The following SLC30A6 variants were observed in gnomAD, a reference collection of about 807,000 sequenced individuals.
SLC30A6 encodes zinc transporter 6.
A neutral mutation model predicts 63.0 loss-of-function variants in SLC30A6; 55 were observed. That is an observed-to-expected ratio of 0.87 (90% CI 0.70 to 1.09). SLC30A6 has a LOEUF of 1.09. Ranked by LOEUF, SLC30A6 falls within the 50% of genes least tolerant of loss-of-function variation. SLC30A6 has a pLI of 0.00. For missense variants in SLC30A6, 587 were observed against 549.2 expected, an observed-to-expected ratio of 1.07 and a Z score of -0.69; for synonymous variants, 224 against 186.1, an observed-to-expected ratio of 1.20 and a Z score of -1.66.
intron 12 of SLC30A6, among the ~76,000 whole-genome samples, 175 bp from the exon 13 acceptor site, chr2:32,209,318 A>T (rs984488193): frequency 1.3e-5 from 2 of 152,224 alleles, no homozygotes; most frequent in Middle Eastern, 3.2e-3. Flanking sequence ...TTGGGTCAGT[A>T]TGGAACAAAC....
At chr2:32,168,955 G>C (rs1680926408) in intron 1 of SLC30A6, among the ~76,000 whole-genome samples, 1 of 152,166 alleles carries the variant, frequency 6.6e-6, no homozygotes, top group African/African-American at 2.4e-5. Flanking sequence ...GATGGCATCA[G>C]AAGTGGCTTT....
chr2:32,216,281 A>G (rs950610491), intron 13 of SLC30A6, among the ~76,000 whole-genome samples: 1 of 152,152 alleles, frequency 6.6e-6, no homozygotes, highest in African/African-American at 2.4e-5. Flanking sequence ...CATGCCTGTA[A>G]TCCCAGCACT....
In SLC30A6 at chr2:32,222,669, GA is replaced by G. The variant is rs1686204333; in HGVS notation, c.*1957del. The G allele has an allele frequency of 6.6e-6, 1 of 152,186 alleles. No individual in the cohort carries two copies. The highest frequency in any genetic ancestry group is 2.1e-4 in the South Asian group (1 of 4,830). 9.4% of individuals were successfully genotyped at this position (152,186 alleles called of 1,614,324 possible). A position where few individuals can be genotyped will look rare whatever the true frequency, so the allele number is the denominator to read the frequency against. On this transcript the variant is annotated 3_prime_UTR_variant, in exon 14 of 14. Coordinates refer to ENST00000282587, the MANE Select transcript of SLC30A6 (RefSeq NM_017964.5). ...CACTACCTTGACTACTGGGGAAAAT[GA>G]TACTTCGTAAAATGTAATAAGGCAA... is the stretch of plus-strand genomic sequence containing the variant.
chr2:32,166,079 C>A (rs1377471419), intron 1 of SLC30A6, among the ~76,000 whole-genome samples, 176 bp downstream of exon 1: 1 of 152,226 alleles, frequency 6.6e-6, no homozygotes, highest in African/African-American at 2.4e-5. Flanking sequence ...AGTTCTGGTC[C>A]CTTTCGGTCC....
intron 4 of SLC30A6, among the ~76,000 whole-genome samples, chr2:32,180,460 A>G (rs1682200216): frequency 6.6e-6 from 1 of 151,878 alleles, no homozygotes; most frequent in Non-Finnish European, 1.5e-5. Context: ...ACAGGGCCTC[A>G]TCCTGTCACC....
intron 4 of SLC30A6, among the ~76,000 whole-genome samples, chr2:32,176,418 G>A (rs941028249): frequency 6.6e-6 from 1 of 152,008 alleles, no homozygotes; most frequent in South Asian, 2.1e-4. Flanking sequence ...CAGCACTTTG[G>A]GAAGCTGAGG....
In SLC30A6 at chr2:32,196,731, C is replaced by G. The variant is rs564237213; in HGVS notation, c.497-613C>G. Among the ~76,000 whole-genome samples, 3 of 152,160 alleles carry G rather than the reference C, an allele frequency of 2.0e-5. No homozygotes were observed. In the East Asian group the frequency reaches 5.8e-4, roughly 29 times the overall value. ...GGATCCTCAGCCTGTACCTATGGCC[C>G]GTTCTCAGCACACTAGTTAGGAAGC... is the stretch of plus-strand genomic sequence containing the variant. On this transcript the variant is annotated intron_variant, in intron 8 of 13. Coordinates refer to ENST00000282587, the MANE Select transcript of SLC30A6 (RefSeq NM_017964.5).
intron 10 of SLC30A6, among the ~76,000 whole-genome samples, chr2:32,199,039 G>C (rs1186801626): frequency 6.6e-6 from 1 of 151,958 alleles, no homozygotes; most frequent in African/African-American, 2.4e-5. Context: ...TCTGTCTCTA[G>C]GAATTTGACT....
chr2:32,203,966 G>T, intron 10 of SLC30A6: 2 of 754,376 alleles, frequency 2.7e-6, no homozygotes, highest in South Asian at 3.3e-5. Flanking sequence ...AATAGAAATC[G>T]ATCAAGAAGT....
intron 4 of SLC30A6, among the ~76,000 whole-genome samples, chr2:32,176,390 G>A (rs921424009): frequency 6.6e-6 from 1 of 152,046 alleles, no homozygotes; most frequent in Middle Eastern, 3.2e-3. Context: ...CAGGCTTAGT[G>A]GCTCACGCCT....
At chr2:32,214,182 G>A (rs1454979617) in intron 13 of SLC30A6, among the ~76,000 whole-genome samples, 3 of 151,932 alleles carry the variant, frequency 2.0e-5, no homozygotes, top group South Asian at 2.1e-4. Context: ...TGATCTGCCC[G>A]CCTCGGCCTC....
In SLC30A6 at chr2:32,223,863, CCTTT is replaced by C. The variant is rs1253618287; in HGVS notation, c.*3154_*3157del. On this transcript the variant is annotated 3_prime_UTR_variant, in exon 14 of 14. Transcript: ENST00000282587. ...GTACAAAAGAATGGGAAACATCTTC[CCTTT>C]CTTCTTTAATCTCTGAAGTCATGTT... 1 of 152,100 alleles carries C rather than the reference CCTTT, an allele frequency of 6.6e-6. No individual in the cohort carries two copies. The highest frequency in any genetic ancestry group is 1.5e-5 in the Non-Finnish European group (1 of 68,020). The allele number at this position is 152,100 out of a possible 1,614,324, so 9.4% of individuals were successfully genotyped here. A position where few individuals can be genotyped will look rare whatever the true frequency, so the allele number is the denominator to read the frequency against.
At chr2:32,181,581 C>A (rs919078543) in intron 4 of SLC30A6, among the ~76,000 whole-genome samples, 17 of 152,048 alleles carry the variant, frequency 1.1e-4, no homozygotes, top group Non-Finnish European at 1.9e-4. Context: ...ATAATTGAAG[C>A]TTTGGCCGGG....
At chr2:32,193,865 G>C in intron 7 of SLC30A6, 24 bp from the exon 8 acceptor site, 1 of 1,565,894 alleles carries the variant, frequency 6.4e-7, no homozygotes, top group Non-Finnish European at 8.8e-7. Flanking sequence ...AATTAAAGGT[G>C]AATGTTATCG....
rs1329813418 is a variant in SLC30A6 at position 32,199,308 on chromosome 2, A to G, written c.665+1482A>G. Among the ~76,000 whole-genome samples, 3 of 152,216 alleles carry G rather than the reference A, an allele frequency of 2.0e-5. No homozygotes were observed. In the East Asian group the frequency reaches 5.8e-4, roughly 29 times the overall value. On this transcript the variant is annotated intron_variant, in intron 10 of 13. Transcript: ENST00000282587. ...TGTGAATAATACCACTGTGAACACG[A>G]GTGTACAAATATCTGAGTCCTTCCT...
chr2:32,202,017 GA>G, intron 10 of SLC30A6: 1 of 1,139,432 alleles, frequency 8.8e-7, no homozygotes. Context: ...AGATATTGAT[GA>G]ATATGAAAAA....
chr2:32,212,395 T>C (rs1347882750), intron 13 of SLC30A6, among the ~76,000 whole-genome samples: 1 of 152,028 alleles, frequency 6.6e-6, no homozygotes, highest in East Asian at 1.9e-4. Context: ...CATAACTTTG[T>C]GTGGGATTTG....
intron 10 of SLC30A6, chr2:32,203,262 G>A (rs1472435702): frequency 2.1e-6 from 2 of 970,992 alleles, no homozygotes; most frequent in Admixed American, 3.4e-5. Context: ...ACAGGGATTT[G>A]TATATGTTTT....
Position 32,171,374 on chromosome 2 carries a change from G to T in SLC30A6, c.90+1G>T. ...TAGACTTGTAGCAGCTGACCGAAGG[G>T]TAAGTTATTCCTTAACCCCAATTTT... On this transcript the variant is annotated splice_donor_variant, in intron 2 of 13. Transcript: ENST00000282587. LOFTEE classifies it high-confidence loss of function. 6.2e-7 allele frequency: 1 copy of T among 1,612,072 alleles called. No homozygotes were observed. The highest frequency in any genetic ancestry group is 8.5e-7 in the Non-Finnish European group (1 of 1,178,416).
Sources: allele counts gnomAD v4.1 joint callset (sites outside exome capture counted in the v4.1 genomes callset), GRCh38; gene constraint gnomAD v4.1.1; transcripts MANE v1.5; gene names NCBI Gene and HGNC (gene_info 2026-07-23, HGNC 2026-07-21).